Variants in TBL1X observed in about 807,000 individuals in gnomAD.
The protein encoded by TBL1X is F-box-like/WD repeat-containing protein TBL1X.
TBL1X carries 10 observed loss-of-function variants against 50.7 expected under a neutral mutation model. That is an observed-to-expected ratio of 0.20 (90% confidence interval 0.12 to 0.33). The LOEUF (loss-of-function observed/expected upper bound fraction) is 0.33, where lower values mean the gene tolerates loss of function less well. Ranked by LOEUF, TBL1X falls within the 10% of genes least tolerant of loss-of-function variation. TBL1X has a pLI of 1.00. For synonymous variants in TBL1X, 190 were observed against 214.7 expected, an observed-to-expected ratio of 0.88 and a Z score of 1.01; for missense variants, 340 against 504.4, an observed-to-expected ratio of 0.67 and a Z score of 3.12.
intron 2 of TBL1X, among the ~76,000 whole-genome samples, chrX:9,503,983 G>A (rs779618607): frequency 8.9e-6 from 1 of 112,030 alleles, no homozygotes; most frequent in Non-Finnish European, 1.9e-5. Context: ...ACCCAACTGG[G>A]TGAGACCCTT....
At chrX:9,709,576 A>G (rs1174424054) in intron 14 of TBL1X, 57 bp from the exon 15 acceptor site, 4 of 1,190,735 alleles carry the variant, frequency 3.4e-6, no homozygotes, top group Admixed American at 2.2e-5. Flanking sequence ...ATGATTCCAC[A>G]TCGTTCCCGG....
intron 5 of TBL1X, 90 bp from the exon 6 acceptor site, chrX:9,683,953 A>G (rs754809772): frequency 1.7e-6 from 2 of 1,165,014 alleles, no homozygotes; most frequent in Admixed American, 4.4e-5. Context: ...GTGTGTTTGA[A>G]GTCTGCGGGC....
intron 2 of TBL1X, among the ~76,000 whole-genome samples, chrX:9,520,993 G>A (rs951882832): frequency 1.2e-4 from 13 of 111,386 alleles, no homozygotes; most frequent in African/African-American, 4.2e-4. Flanking sequence ...AGCTGCTCGG[G>A]AGGCTGAGGT....
chrX:9,653,752 G>A lies in TBL1X; in HGVS notation c.103+63G>A, dbSNP rs1264922382. On this transcript the variant is annotated intron_variant, in intron 4 of 17. Transcript: ENST00000645353. The stretch of plus-strand genomic sequence containing the variant: ...ACTCTTTGGGGGTGTTGACATGGCC[G>A]CGGGTGTACTCGGTCACCTCTCCAT... 10 of 1,015,249 alleles carry A rather than the reference G, an allele frequency of 9.8e-6. No individual in the cohort carries two copies. In the African/African-American group the frequency reaches 1.3e-4, roughly 13 times the overall value. 83.7% of individuals were successfully genotyped at this position (1,015,249 alleles called of 1,213,427 possible). A position where few individuals can be genotyped will look rare whatever the true frequency, so the allele number is the denominator to read the frequency against.
intron 17 of TBL1X, among the ~76,000 whole-genome samples, chrX:9,715,887 C>G (rs1199716965): frequency 1.8e-5 from 2 of 112,316 alleles, no homozygotes; most frequent in African/African-American, 6.5e-5. Flanking sequence ...CAAATGTTGT[C>G]AGAGGCTGTG....
intron 2 of TBL1X, among the ~76,000 whole-genome samples, chrX:9,519,505 T>C (rs1246049512): frequency 1.8e-5 from 2 of 112,351 alleles, no homozygotes; most frequent in Non-Finnish European, 3.8e-5. Context: ...CCCTATTTTT[T>C]ACAGCATAGT....
At chrX:9,567,704 C>T (rs1200518056) in intron 2 of TBL1X, among the ~76,000 whole-genome samples, 1 of 112,124 alleles carries the variant, frequency 8.9e-6, no homozygotes, top group Non-Finnish European at 1.9e-5. Context: ...CAGGCCACAT[C>T]CTCTTTCGTG....
intron 2 of TBL1X, among the ~76,000 whole-genome samples, chrX:9,628,688 C>T (rs1217776664): frequency 9.0e-6 from 1 of 110,584 alleles, no homozygotes; most frequent in Admixed American, 9.6e-5. Flanking sequence ...GCTGGGATTA[C>T]AGGTGTGTGC....
intron 1 of TBL1X, among the ~76,000 whole-genome samples, chrX:9,498,603 A>G (rs775670654): frequency 8.9e-6 from 1 of 112,697 alleles, no homozygotes; most frequent in Non-Finnish European, 1.9e-5. Flanking sequence ...ACTGAGAGCC[A>G]CAGCAGGTGC....
At chrX:9,707,760 A>G (rs56730627) in intron 13 of TBL1X, among the ~76,000 whole-genome samples, 4,963 of 111,210 alleles carry the variant, frequency 0.045, 267 homozygotes, top group African/African-American at 0.15. Context: ...GCGTGTGCAC[A>G]CTCACAACCC....
intron 2 of TBL1X, among the ~76,000 whole-genome samples, chrX:9,549,017 T>A (rs1305073147): frequency 8.8e-6 from 1 of 113,312 alleles, no homozygotes. Context: ...TGATGCTTTT[T>A]CTCATGCTTA....
At chrX:9,710,134 T>C (rs1398927353) in intron 15 of TBL1X, among the ~76,000 whole-genome samples, 1 of 91,199 alleles carries the variant, frequency 1.1e-5, no homozygotes, top group Non-Finnish European at 2.1e-5. Flanking sequence ...GGAGGATGGC[T>C]TGAGCCCAGG....
intron 2 of TBL1X, among the ~76,000 whole-genome samples, chrX:9,622,331 A>G (rs768256555): frequency 9.1e-6 from 1 of 110,407 alleles, no homozygotes; most frequent in Non-Finnish European, 1.9e-5. Flanking sequence ...CCCACTTTCT[A>G]GCTCTTGTTT....
intron 2 of TBL1X, among the ~76,000 whole-genome samples, chrX:9,608,899 A>G (rs771343030): frequency 8.3e-4 from 91 of 109,991 alleles, no homozygotes; most frequent in Middle Eastern, 4.8e-3. Flanking sequence ...GGTTAAGTGG[A>G]GGCCTTGGGA....
At chrX:9,701,213 C>T (rs4830652) in intron 12 of TBL1X, among the ~76,000 whole-genome samples, 1,159 of 111,468 alleles carry the variant, frequency 0.01, 34 homozygotes, top group Admixed American at 0.081. Flanking sequence ...GAAGGAGACA[C>T]AGGACCTCTC....
At chrX:9,512,754 C>T (rs1178918151) in intron 2 of TBL1X, among the ~76,000 whole-genome samples, 3 of 111,581 alleles carry the variant, frequency 2.7e-5, no homozygotes, top group Non-Finnish European at 5.7e-5. Flanking sequence ...CCGCCTCAGC[C>T]TCCCAAAGTG....
At chrX:9,543,483 C>T (rs1032492037) in intron 2 of TBL1X, among the ~76,000 whole-genome samples, 3 of 109,823 alleles carry the variant, frequency 2.7e-5, no homozygotes, top group East Asian at 5.8e-4. Flanking sequence ...CCCCCCTCCT[C>T]CCTCTTGCTG....
chrX:9,640,887 T>C (rs1167349301), intron 3 of TBL1X, among the ~76,000 whole-genome samples: 1 of 111,717 alleles, frequency 9.0e-6, no homozygotes, highest in Non-Finnish European at 1.9e-5. Context: ...CACCTTGGCT[T>C]CCCAAAGTGC....
intron 2 of TBL1X, among the ~76,000 whole-genome samples, chrX:9,510,518 G>A (rs1239640181): frequency 1.2e-5 from 1 of 86,939 alleles, no homozygotes; most frequent in Non-Finnish European, 2.5e-5. Flanking sequence ...TGTGGCCCAC[G>A]GGGCCGTGTC....
Sources: gnomAD v4.1 joint callset for allele counts (sites outside exome capture counted in the v4.1 genomes callset) on GRCh38, gnomAD v4.1.1 for gene constraint, MANE v1.5 for transcripts, NCBI Gene and HGNC (gene_info 2026-07-23, HGNC 2026-07-21) for gene names.